Variants in ODAD4 observed in about 807,000 individuals in gnomAD.
ODAD4 encodes outer dynein arm-docking complex subunit 4.
A neutral mutation model predicts 51.8 loss-of-function variants in ODAD4; 49 were observed. The ratio of observed to expected loss-of-function variants is 0.95; its 90% CI spans 0.75 to 1.20. The LOEUF is 1.20. ODAD4 is among the 50% of genes most tolerant of loss of function. The pLI is 0.00. For synonymous variants in ODAD4, 235 were observed against 221.3 expected, an observed-to-expected ratio of 1.06 and a Z score of -0.55; for missense variants, 590 against 586.5, an observed-to-expected ratio of 1.01 and a Z score of -0.06.
chr17:41,952,662 C>G (rs2050674793), intron 9 of ODAD4: 1 of 516,706 alleles, frequency 1.9e-6, no homozygotes, highest in South Asian at 1.4e-5. Context: ...TCCCACTGGT[C>G]TTGAAAGGAA....
chr17:41,955,431 T>C, intron 10 of ODAD4, 114 bp downstream of exon 10: 1 of 624,826 alleles, frequency 1.6e-6, no homozygotes, highest in Middle Eastern at 4.2e-4. Flanking sequence ...TTTTGTTTGT[T>C]TGTTTATTTG....
chr17:41,935,990 T>C (rs937236047), intron 3 of ODAD4, among the ~76,000 whole-genome samples: 3 of 152,204 alleles, frequency 2.0e-5, no homozygotes, highest in Admixed American at 6.5e-5. Context: ...AGCCTTGGGT[T>C]TTCCTAAAGG....
At chr17:41,947,587 C>T (rs890555838) in intron 8 of ODAD4, among the ~76,000 whole-genome samples, 124 of 142,234 alleles carry the variant, frequency 8.7e-4, no homozygotes, top group Middle Eastern at 0.01. Flanking sequence ...TCCTGAGGTC[C>T]GGAGTTCAGA....
Position 41,949,133 on chromosome 17 carries a change from C to G in ODAD4, c.1146-20C>G, listed in dbSNP as rs1166049994. ...ATGGTTTTGGGGGATGAAGCTGACT[C>G]TGGTTCTTCATGTCCCCAGGTGGGA... is the stretch of plus-strand genomic sequence containing the variant. On this transcript the variant is annotated intron_variant, in intron 8 of 11. Coordinates refer to ENST00000377540, the MANE Select transcript of ODAD4 (RefSeq NM_031421.5). 2 of 398,412 alleles carry G rather than the reference C, an allele frequency of 5.0e-6. No individual in the cohort carries two copies. The highest frequency in any genetic ancestry group is 8.8e-6 in the Non-Finnish European group (2 of 226,080). 24.7% of individuals were successfully genotyped at this position (398,412 alleles called of 1,614,324 possible). A position where few individuals can be genotyped will look rare whatever the true frequency, so the allele number is the denominator to read the frequency against.
Position 41,945,154 on chromosome 17 carries a change from A to G in ODAD4, c.1077A>G (p.Lys359=). ...IAKEYDLPDA[K]SRALDNIGRV... is the part of the protein sequence containing the mutation. The stretch of plus-strand genomic sequence containing the variant: ...CCCACAGTGACCTTCCTGATGCAAA[A>G]TCGAGAGCCCTTGACAACATTGGCA... The change falls in exon 8 of 12, where the codon AAA becomes AAG. Residue 359 remains lysine (K), a synonymous_variant. Coordinates refer to ENST00000377540, the MANE Select transcript of ODAD4 (RefSeq NM_031421.5). The G allele has an allele frequency of 2.5e-6, 4 of 1,613,334 alleles. No individual in the cohort carries two copies. Among genetic ancestry groups the G allele is most frequent in the Non-Finnish European group, 3.4e-6 (4 of 1,179,698 alleles).
At chr17:41,952,886 A>G (rs1555640414) in intron 9 of ODAD4, among the ~76,000 whole-genome samples, 1 of 151,384 alleles carries the variant, frequency 6.6e-6, no homozygotes, top group African/African-American at 2.4e-5. Flanking sequence ...CCACAGGTGC[A>G]TGCCACCATG....
intron 2 of ODAD4, 67 bp from the exon 3 acceptor site, chr17:41,935,532 G>A: frequency 6.4e-7 from 1 of 1,557,518 alleles, no homozygotes; most frequent in Non-Finnish European, 8.7e-7. Context: ...GGACCCTTCT[G>A]TTCCACCACA....
In ODAD4 at chr17:41,930,817, G is replaced by C; in HGVS notation, c.94G>C (p.Ala32Pro). 1 of 1,553,584 alleles carries C rather than the reference G, an allele frequency of 6.4e-7. No homozygotes were observed. Among genetic ancestry groups the C allele is most frequent in the Non-Finnish European group, 8.7e-7 (1 of 1,144,594 alleles). The change falls in exon 1 of 12, where the codon GCC becomes CCC. Residue 32 changes from alanine to proline, a missense_variant. Ala to Pro is a conservative substitution (Grantham distance 27, BLOSUM62 -1). This residue lies in a region of ODAD4 where 360 missense variants were observed against 407.5 expected (regional missense o/e 0.88). Coordinates refer to ENST00000377540, the MANE Select transcript of ODAD4 (RefSeq NM_031421.5). ...CTACCTGTGCGGGGAATTTTCTAAA[G>C]CCGCGCAGAGCTTCAGCAACGTGAG... Reference protein sequence around the residue: ...RLYLCGEFSKAAQSFSNALYL... With the variant: ...RLYLCGEFSKPAQSFSNALYL...
At chr17:41,937,978 G>A (rs879972338) in intron 5 of ODAD4, among the ~76,000 whole-genome samples, 8 of 152,246 alleles carry the variant, frequency 5.3e-5, no homozygotes, top group Admixed American at 3.3e-4. Context: ...CACAGGAACA[G>A]CTTCACTGCT....
Position 41,949,373 on chromosome 17 carries a change from C to G in ODAD4, c.1342+24C>G. ...AGGTATGGGCTCAGAGATGACCACC[C>G]TACCTTTTCCAGCCTTCAGGCCCAG... is the stretch of plus-strand genomic sequence containing the variant. On this transcript the variant is annotated intron_variant, in intron 9 of 11. Transcript: ENST00000377540. The G allele has an allele frequency of 7.5e-6, 3 of 398,482 alleles. No individual in the cohort carries two copies. In the East Asian group the frequency reaches 1.1e-4, roughly 14 times the overall value. The allele number at this position is 398,482 out of a possible 1,614,324, so 24.7% of individuals were successfully genotyped here. A position where few individuals can be genotyped will look rare whatever the true frequency, so the allele number is the denominator to read the frequency against.
At chr17:41,932,726 CTT>C (rs10712306) in intron 1 of ODAD4, among the ~76,000 whole-genome samples, 106 of 111,990 alleles carry the variant, frequency 9.5e-4, no homozygotes, top group Admixed American at 1.1e-3. Context: ...TTCTTTTCTT[CTT>C]TTTTTTTTTT....
chr17:41,949,970 G>A (rs1252802539), intron 9 of ODAD4, among the ~76,000 whole-genome samples: 2 of 147,876 alleles, frequency 1.4e-5, no homozygotes, highest in Non-Finnish European at 3.0e-5. Context: ...CACCATGCCC[G>A]GCCCTGTTTT....
intron 10 of ODAD4, among the ~76,000 whole-genome samples, chr17:41,959,377 G>A (rs2144538653): frequency 6.6e-6 from 1 of 152,336 alleles, no homozygotes; most frequent in African/African-American, 2.4e-5. Flanking sequence ...AGTAAACGGG[G>A]CCCCTGTCCT....
chr17:41,945,238 T>G lies in ODAD4; in HGVS notation c.1145+16T>G. On this transcript the variant is annotated intron_variant, in intron 8 of 11. Transcript: ENST00000377540. ...CCATTGACACGTGAGTGACCAAGAATTGCCTCTTCCCCACCTCCATGGTTA... is the reference window on the plus strand; with the variant it reads ...CCATTGACACGTGAGTGACCAAGAAGTGCCTCTTCCCCACCTCCATGGTTA... The G allele has an allele frequency of 6.2e-7, 1 of 1,600,478 alleles. No homozygotes were observed. The highest frequency in any genetic ancestry group is 8.5e-7 in the Non-Finnish European group (1 of 1,170,234).
intron 7 of ODAD4, among the ~76,000 whole-genome samples, chr17:41,943,024 G>A (rs1042235690): frequency 6.6e-5 from 10 of 151,968 alleles, no homozygotes; most frequent in African/African-American, 1.9e-4. Context: ...CATTGTGCCC[G>A]CGTTTTGTTT....
intron 10 of ODAD4, among the ~76,000 whole-genome samples, chr17:41,955,572 G>A (rs541883518): frequency 4.6e-5 from 7 of 151,982 alleles, no homozygotes; most frequent in African/African-American, 1.4e-4. Flanking sequence ...GACTACAGGC[G>A]CCCCCCACCA....
intron 1 of ODAD4, among the ~76,000 whole-genome samples, chr17:41,932,370 G>A (rs1313569857): frequency 6.6e-6 from 1 of 151,926 alleles, no homozygotes; most frequent in African/African-American, 2.4e-5. Flanking sequence ...CCCACCCAGT[G>A]CATACTCAAT....
rs1555642369 is a variant in ODAD4 at position 41,965,145 on chromosome 17, A to C, written c.1681A>C (p.Ser561Arg). ...TGAGGCTTTTGGGGAAGCTCTGCAGAGCCCAGCAAGCGGAAAGCAGAGTGT... is the reference window on the plus strand; with the variant it reads ...TGAGGCTTTTGGGGAAGCTCTGCAGCGCCCAGCAAGCGGAAAGCAGAGTGT... The part of the protein sequence containing the change: ...DDEAFGEALQ[S>R]PASGKQSVEA... Residue 561 changes from serine (S) to arginine (R), a missense_variant, in exon 12 of 12, where the codon AGC (serine) becomes CGC (arginine). Around this residue, in one of 3 missense-constraint regions of ODAD4, gnomAD observed 226 missense variants for 162.7 expected, o/e 1.39. Transcript: ENST00000377540. The C allele has an allele frequency of 1.3e-6, 1 of 773,248 alleles. No homozygotes were observed. The highest frequency in any genetic ancestry group is 2.4e-6 in the Non-Finnish European group (1 of 414,504). 47.9% of individuals were successfully genotyped at this position (773,248 alleles called of 1,614,324 possible). A position where few individuals can be genotyped will look rare whatever the true frequency, so the allele number is the denominator to read the frequency against.
At chr17:41,956,228 T>A (rs373645988) in intron 10 of ODAD4, among the ~76,000 whole-genome samples, 2 of 151,976 alleles carry the variant, frequency 1.3e-5, no homozygotes, top group African/African-American at 4.8e-5. Context: ...TTTGTATTTT[T>A]AGTAGAGATG....
Sources: gnomAD v4.1 joint callset for allele counts (sites outside exome capture counted in the v4.1 genomes callset) on GRCh38, gnomAD v4.1.1 for gene constraint, gnomAD v4.1.1 regional missense constraint, MANE v1.5 for transcripts, NCBI Gene and HGNC (gene_info 2026-07-23, HGNC 2026-07-21) for gene names.